DPP10: variants seen among roughly 807,000 people sequenced by gnomAD.
DPP10 encodes dipeptidyl peptidase like 10, also known as inactive dipeptidyl peptidase 10.
Under a neutral mutation model 120.9 loss-of-function variants are expected in DPP10, and 33 were observed. That is an observed-to-expected ratio of 0.27 (90% confidence interval 0.21 to 0.37). The LOEUF (loss-of-function observed/expected upper bound fraction) is 0.37, where lower values mean the gene tolerates loss of function less well. DPP10 is among the 10% of genes least tolerant of loss of function. DPP10 has a pLI of 1.00. For synonymous variants in DPP10, 337 were observed against 326.1 expected, an observed-to-expected ratio of 1.03 and a Z score of -0.36; for missense variants, 816 against 942.8, an observed-to-expected ratio of 0.87 and a Z score of 1.76.
chr2:115,792,417 C>T (rs925504684), intron 19 of DPP10, among the ~76,000 whole-genome samples: 2 of 151,738 alleles, frequency 1.3e-5, no homozygotes, highest in Admixed American at 1.3e-4. Context: ...GCAATTTGTC[C>T]CTTTATTTTA....
At chr2:114,884,883 A>T (rs557858393) in intron 1 of DPP10, among the ~76,000 whole-genome samples, 2 of 152,182 alleles carry the variant, frequency 1.3e-5, no homozygotes, top group African/African-American at 4.8e-5. Flanking sequence ...GAGATTTTTT[A>T]TCAAAGAAAA....
At chr2:115,490,320 A>C (rs1304587349) in intron 3 of DPP10, among the ~76,000 whole-genome samples, 1 of 152,170 alleles carries the variant, frequency 6.6e-6, no homozygotes, top group Non-Finnish European at 1.5e-5. Context: ...GGGAAATGCC[A>C]GATGTTTGTA....
At chr2:114,555,867 G>A (rs140616797) in intron 1 of DPP10, among the ~76,000 whole-genome samples, 7 of 152,116 alleles carry the variant, frequency 4.6e-5, no homozygotes, top group Non-Finnish European at 7.4e-5. Context: ...GATAAAGCAC[G>A]TCCCAAGAAG....
At chr2:115,038,851 A>T (rs1283280278) in intron 1 of DPP10, among the ~76,000 whole-genome samples, 1 of 152,192 alleles carries the variant, frequency 6.6e-6, no homozygotes, top group Non-Finnish European at 1.5e-5. Context: ...TTAAATACGT[A>T]TCTCTTTCAT....
At chr2:115,541,889 T>C (rs866168305) in intron 5 of DPP10, among the ~76,000 whole-genome samples, 1 of 151,906 alleles carries the variant, frequency 6.6e-6, no homozygotes, top group South Asian at 2.1e-4. Flanking sequence ...GGGAGACTTT[T>C]ATTTTACATT....
chr2:114,853,487 A>G (rs1237733501), intron 1 of DPP10, among the ~76,000 whole-genome samples: 1 of 152,032 alleles, frequency 6.6e-6, no homozygotes, highest in Non-Finnish European at 1.5e-5. Context: ...AAGTTCACCC[A>G]TGGCCCATGC....
chr2:115,111,054 A>C (rs2049189620), intron 1 of DPP10, among the ~76,000 whole-genome samples: 1 of 152,204 alleles, frequency 6.6e-6, no homozygotes, highest in African/African-American at 2.4e-5. Context: ...ACTGAAATTG[A>C]AACTGTGGAG....
intron 5 of DPP10, among the ~76,000 whole-genome samples, chr2:115,574,548 A>G (rs1469375192): frequency 6.6e-6 from 1 of 152,172 alleles, no homozygotes; most frequent in African/African-American, 2.4e-5. Context: ...TTTTTGCAAC[A>G]AGGCTTTCTT....
chr2:115,654,256 G>A (rs1343361402), intron 5 of DPP10, among the ~76,000 whole-genome samples: 1 of 151,672 alleles, frequency 6.6e-6, no homozygotes, highest in Non-Finnish European at 1.5e-5. Context: ...ACGAGTGAAG[G>A]CAACATACTC....
At chr2:114,796,811 A>G (rs1169776833) in intron 1 of DPP10, among the ~76,000 whole-genome samples, 1 of 152,198 alleles carries the variant, frequency 6.6e-6, no homozygotes, top group African/African-American at 2.4e-5. Flanking sequence ...AGTTCAACCA[A>G]TTTGACTTTA....
At chr2:114,666,231 G>A (rs1697912006) in intron 1 of DPP10, among the ~76,000 whole-genome samples, 1 of 152,168 alleles carries the variant, frequency 6.6e-6, no homozygotes, top group Non-Finnish European at 1.5e-5. Context: ...GTAGATGAAT[G>A]AATATGTGGA....
At chr2:115,716,268 C>T (rs1053481533) in intron 7 of DPP10, among the ~76,000 whole-genome samples, 2 of 152,196 alleles carry the variant, frequency 1.3e-5, no homozygotes, top group Non-Finnish European at 1.5e-5. Context: ...AACAACCCAA[C>T]ATGAATTACT....
intron 1 of DPP10, among the ~76,000 whole-genome samples, chr2:115,094,461 C>T (rs778738875): frequency 7.9e-5 from 12 of 152,110 alleles, no homozygotes; most frequent in Non-Finnish European, 1.2e-4. Flanking sequence ...ATCTTCAATC[C>T]TCTAACTTAC....
intron 1 of DPP10, among the ~76,000 whole-genome samples, chr2:114,847,791 C>A (rs543665541): frequency 2.5e-4 from 38 of 152,160 alleles, no homozygotes; most frequent in African/African-American, 8.2e-4. Context: ...TAGTTTCAAT[C>A]ATTAAAATGC....
intron 1 of DPP10, among the ~76,000 whole-genome samples, chr2:114,467,879 C>T (rs1020712115): frequency 6.6e-6 from 1 of 152,022 alleles, no homozygotes; most frequent in Admixed American, 6.6e-5. Context: ...ATTAGCCAGG[C>T]ATGGTGGTGA....
chr2:114,932,587 G>C (rs1376656148), intron 1 of DPP10, among the ~76,000 whole-genome samples: 2 of 152,152 alleles, frequency 1.3e-5, no homozygotes, highest in African/African-American at 4.8e-5. Flanking sequence ...TTTATATACA[G>C]TTCCCAGATC....
At chr2:114,630,481 C>T (rs1200769130) in intron 1 of DPP10, among the ~76,000 whole-genome samples, 1 of 152,116 alleles carries the variant, frequency 6.6e-6, no homozygotes, top group Admixed American at 6.6e-5. Flanking sequence ...TCCCCCTCAC[C>T]CCATTCCATT....
chr2:114,577,295 T>G (rs777950254), intron 1 of DPP10, among the ~76,000 whole-genome samples: 2 of 152,242 alleles, frequency 1.3e-5, no homozygotes, highest in African/African-American at 2.4e-5. Context: ...CACTTGGTGA[T>G]AGGGAAAGCC....
At chr2:115,580,818 A>AT (rs373109470) in intron 5 of DPP10, among the ~76,000 whole-genome samples, 2 of 151,680 alleles carry the variant, frequency 1.3e-5, no homozygotes, top group African/African-American at 2.4e-5. Context: ...TGTCAATTAC[A>AT]TTTTTTTTCC....
Sources: gnomAD v4.1 joint callset for allele counts (sites outside exome capture counted in the v4.1 genomes callset) on GRCh38, gnomAD v4.1.1 for gene constraint, MANE v1.5 for transcripts, NCBI Gene and HGNC (gene_info 2026-07-23, HGNC 2026-07-21) for gene names.